Variants in LUZP2 observed in about 807,000 individuals in gnomAD.
The protein encoded by LUZP2 is leucine zipper protein 2.
LUZP2 carries 52 observed loss-of-function variants against 51.6 expected under a neutral mutation model. The ratio of observed to expected loss-of-function variants is 1.01; its 90% CI spans 0.81 to 1.27. The LOEUF (loss-of-function observed/expected upper bound fraction) is 1.27, where lower values mean the gene tolerates loss of function less well. LUZP2 is among the 50% of genes most tolerant of loss of function. LUZP2 has a pLI of 0.00. For missense variants in LUZP2, 436 were observed against 395.4 expected (o/e 1.10, Z -0.87); for synonymous variants, 154 against 137.3 (o/e 1.12, Z -0.85).
chr11:24,939,230 C>T (rs1854676090), intron 7 of LUZP2, among the ~76,000 whole-genome samples: 1 of 151,982 alleles, frequency 6.6e-6, no homozygotes, highest in Admixed American at 6.6e-5. Flanking sequence ...AAAGTGCACT[C>T]GTACTTGTTT....
At chr11:24,924,079 T>C (rs1218371968) in intron 7 of LUZP2, among the ~76,000 whole-genome samples, 2 of 147,152 alleles carry the variant, frequency 1.4e-5, no homozygotes, top group East Asian at 4.0e-4. Flanking sequence ...ACTCCCCGGC[T>C]TTTTTTTTTC....
At chr11:24,679,845 C>T (rs193102328) in intron 1 of LUZP2, among the ~76,000 whole-genome samples, 45 of 152,270 alleles carry the variant, frequency 3.0e-4, no homozygotes, top group Non-Finnish European at 4.9e-4. Flanking sequence ...AAATTCCTAG[C>T]TATAGGAATT....
At chr11:24,530,005 G>T (rs1049453496) in intron 1 of LUZP2, among the ~76,000 whole-genome samples, 6 of 150,844 alleles carry the variant, frequency 4.0e-5, no homozygotes, top group Non-Finnish European at 8.9e-5. Flanking sequence ...TCATTTTTAG[G>T]TTAGACTTTA....
intron 1 of LUZP2, among the ~76,000 whole-genome samples, chr11:24,557,438 C>T (rs969347961): frequency 4.6e-5 from 7 of 152,002 alleles, no homozygotes; most frequent in Non-Finnish European, 1.5e-5. Flanking sequence ...GTTATGATTA[C>T]ACTTAGAATT....
intron 2 of LUZP2, 39 bp from the exon 3 acceptor site, chr11:24,732,079 C>T: frequency 6.7e-7 from 1 of 1,501,156 alleles, no homozygotes; most frequent in Middle Eastern, 1.7e-4. Flanking sequence ...CTCAATTTCT[C>T]ACCTGAATAA....
chr11:24,998,432 G>A (rs1013755243), intron 9 of LUZP2, among the ~76,000 whole-genome samples: 1 of 152,082 alleles, frequency 6.6e-6, no homozygotes, highest in Admixed American at 6.6e-5. Flanking sequence ...GTCTGTTATT[G>A]GTGTATAAGA....
intron 5 of LUZP2, among the ~76,000 whole-genome samples, chr11:24,788,388 C>A (rs1451916700): frequency 6.6e-6 from 1 of 151,682 alleles, no homozygotes; most frequent in African/African-American, 2.4e-5. Flanking sequence ...CGGGGTTTCA[C>A]CATATTGGCC....
chr11:24,749,372 C>G (rs765697188), intron 4 of LUZP2, among the ~76,000 whole-genome samples: 70 of 152,174 alleles, frequency 4.6e-4, no homozygotes, highest in African/African-American at 1.4e-3. Flanking sequence ...TTTGGTTATA[C>G]GCCCCTGTGA....
intron 1 of LUZP2, among the ~76,000 whole-genome samples, chr11:24,666,966 G>T (rs1330454778): frequency 6.6e-6 from 1 of 151,980 alleles, no homozygotes; most frequent in Admixed American, 6.6e-5. Context: ...TTATTCTTTT[G>T]CATTGTGTAT....
rs568219339 is a variant in LUZP2 at position 24,767,461 on chromosome 11, A to T, written c.396+4153A>T. ...GACTAAAATAGAAGTGAAGCAAAGA[A>T]AATATTTGTTTGGTTACAGTTAGAC... is the stretch of plus-strand genomic sequence containing the variant. On this transcript the variant is annotated intron_variant, in intron 5 of 11. Transcript: ENST00000336930. 3.5e-4 allele frequency among the ~76,000 whole-genome samples: 54 copies of T among 152,322 alleles called. 4 individuals are homozygous for T. In the South Asian group the frequency reaches 0.011, roughly 30 times the overall value.
chr11:24,795,099 G>C (rs544383785), intron 5 of LUZP2, among the ~76,000 whole-genome samples: 6 of 152,150 alleles, frequency 3.9e-5, no homozygotes, highest in Admixed American at 3.3e-4. Flanking sequence ...TGATAAGATG[G>C]CTCATAATTA....
intron 1 of LUZP2, among the ~76,000 whole-genome samples, chr11:24,726,416 T>G (rs943911615): frequency 6.6e-6 from 1 of 151,376 alleles, no homozygotes; most frequent in African/African-American, 2.4e-5. Flanking sequence ...ACACAAAATA[T>G]CTCATGTGCC....
chr11:24,694,300 TC>T (rs1301015593), intron 1 of LUZP2, among the ~76,000 whole-genome samples: 3 of 152,050 alleles, frequency 2.0e-5, no homozygotes, highest in Non-Finnish European at 4.4e-5. Context: ...GAATGTTATT[TC>T]CCCATATATC....
At chr11:24,573,783 A>C (rs1377021054) in intron 1 of LUZP2, among the ~76,000 whole-genome samples, 1 of 152,026 alleles carries the variant, frequency 6.6e-6, no homozygotes, top group Non-Finnish European at 1.5e-5. Context: ...TAGAAACTTT[A>C]AAAAGCACAC....
In LUZP2 at chr11:24,497,227, C is replaced by T. The variant is rs773860309; in HGVS notation, c.-17C>T. On this transcript the variant is annotated 5_prime_UTR_variant, in exon 1 of 12. Transcript: ENST00000336930. ...AGAGAAGGCAGCGAGGGAAGGAGGACCCCGGCAGGCAGCAGCATGAAATTC... is the reference window on the plus strand; with the variant it reads ...AGAGAAGGCAGCGAGGGAAGGAGGATCCCGGCAGGCAGCAGCATGAAATTC... 6.5e-7 allele frequency: 1 copy of T among 1,527,404 alleles called. No individual in the cohort carries two copies. Among genetic ancestry groups the T allele is most frequent in the South Asian group, 1.2e-5 (1 of 80,870 alleles). The allele number at this position is 1,527,404 out of a possible 1,614,324, so 94.6% of individuals were successfully genotyped here. A position where few individuals can be genotyped will look rare whatever the true frequency, so the allele number is the denominator to read the frequency against.
Position 24,914,536 on chromosome 11 carries a change from A to C in LUZP2, c.520A>C (p.Lys174Gln). The C allele has an allele frequency of 6.2e-7, 1 of 1,602,180 alleles. No homozygotes were observed. The highest frequency in any genetic ancestry group is 8.5e-7 in the Non-Finnish European group (1 of 1,175,028). ...LRYGKKDLLF[K>Q]AQQLTDLEQK... ...TTATGGGAAGAAGGATTTATTATTT[A>C]AGGTGAGTCTCTTTTCTCTCTTTTC... The change falls in exon 7 of 12, where the codon AAG becomes CAG. Residue 174 changes from lysine to glutamine, a missense_variant and splice_region_variant. Coordinates refer to ENST00000336930, the MANE Select transcript of LUZP2 (RefSeq NM_001009909.4).
At chr11:24,555,991 C>G (rs1267020656) in intron 1 of LUZP2, among the ~76,000 whole-genome samples, 5 of 152,012 alleles carry the variant, frequency 3.3e-5, no homozygotes, top group Non-Finnish European at 7.4e-5. Context: ...AAAAAGAAAG[C>G]TATCTGAAAT....
intron 1 of LUZP2, among the ~76,000 whole-genome samples, chr11:24,548,415 G>A (rs540030001): frequency 6.6e-6 from 1 of 152,054 alleles, no homozygotes; most frequent in African/African-American, 2.4e-5. Flanking sequence ...CATGGATGGC[G>A]CTGGAATTAA....
chr11:25,031,072 G>T (rs1375271113), intron 9 of LUZP2, among the ~76,000 whole-genome samples: 1 of 133,596 alleles, frequency 7.5e-6, no homozygotes, highest in African/African-American at 2.7e-5. Context: ...GAGTGCAGTG[G>T]TGTGATCTCA....
Sources: gnomAD v4.1 joint callset for allele counts (sites outside exome capture counted in the v4.1 genomes callset) on GRCh38, gnomAD v4.1.1 for gene constraint, MANE v1.5 for transcripts, NCBI Gene and HGNC (gene_info 2026-07-23, HGNC 2026-07-21) for gene names.